The following PDE4D variants were observed in gnomAD, a reference collection of about 807,000 sequenced individuals.
The protein encoded by PDE4D is phosphodiesterase 4D, also known as 3',5'-cyclic-AMP phosphodiesterase 4D.
A neutral mutation model predicts 87.4 loss-of-function variants in PDE4D; 24 were observed. That is an observed-to-expected ratio of 0.27 (90% CI 0.20 to 0.39). The LOEUF is 0.39. Among genes scored for constraint, PDE4D ranks in the 10% least tolerant of loss-of-function variants. The probability of loss-of-function intolerance (pLI) is 1.00; values close to 1 mark genes in which losing one functional copy is unlikely to be tolerated. For missense variants in PDE4D, 714 were observed against 1,041.0 expected (o/e 0.69, Z 4.32); for synonymous variants, 384 against 383.2 (o/e 1.00, Z -0.02).
chr5:59,726,752 A>C (rs1190240054), intron 1 of PDE4D, among the ~76,000 whole-genome samples: 1 of 152,172 alleles, frequency 6.6e-6, no homozygotes, highest in African/African-American at 2.4e-5. Flanking sequence ...TCTGTATGAG[A>C]AACAATATAA....
intron 1 of PDE4D, among the ~76,000 whole-genome samples, chr5:59,369,813 T>C (rs1350577516): frequency 2.0e-5 from 3 of 152,116 alleles, no homozygotes; most frequent in African/African-American, 7.2e-5. Context: ...AACTCTATAG[T>C]GGGTGGAGGG....
chr5:60,221,701 A>G (rs1411837227), intron 1 of PDE4D, among the ~76,000 whole-genome samples: 1 of 152,164 alleles, frequency 6.6e-6, no homozygotes, highest in African/African-American at 2.4e-5. Context: ...CAAGTCGAAT[A>G]ATATGGTATA....
At chr5:58,979,186 G>A (rs1188842606) in intron 11 of PDE4D, among the ~76,000 whole-genome samples, 3 of 152,204 alleles carry the variant, frequency 2.0e-5, no homozygotes, top group Non-Finnish European at 1.5e-5. Flanking sequence ...GTGCAACAAA[G>A]AGTCTGAGTT....
chr5:59,293,629 T>G (rs759940226), intron 1 of PDE4D, among the ~76,000 whole-genome samples: 3 of 152,168 alleles, frequency 2.0e-5, no homozygotes, highest in Non-Finnish European at 4.4e-5. Flanking sequence ...GCACAGGATA[T>G]TCAAACAGAG....
chr5:59,724,859 C>A (rs1248476538), intron 1 of PDE4D, among the ~76,000 whole-genome samples: 1 of 152,086 alleles, frequency 6.6e-6, no homozygotes, highest in Non-Finnish European at 1.5e-5. Flanking sequence ...AAGCCCAATA[C>A]AAATATATAA....
intron 2 of PDE4D, among the ~76,000 whole-genome samples, chr5:60,045,082 T>C (rs1374373796): frequency 2.0e-5 from 3 of 152,226 alleles, no homozygotes; most frequent in Non-Finnish European, 2.9e-5. Context: ...TGGTATCTCA[T>C]TGTGGTTTTG....
Position 59,863,907 on chromosome 5 carries a change from A to G in PDE4D, c.455+29261T>C, listed in dbSNP as rs1041254065. Reference sequence around the variant, plus strand: ...CATTGATGAAATCCAAAAGAACTTCAAGGATGAAAGGGACGATGCAGCTTC... The same window carrying G: ...CATTGATGAAATCCAAAAGAACTTCGAGGATGAAAGGGACGATGCAGCTTC... On this transcript the variant is annotated intron_variant, in intron 1 of 14. Transcript: ENST00000340635. Among the ~76,000 whole-genome samples the G allele has an allele frequency of 3.6e-4, 55 of 152,124 alleles. 1 individual carries two copies. The highest frequency in any genetic ancestry group is 3.5e-3 in the Admixed American group (54 of 15,256).
intron 1 of PDE4D, chr5:59,276,044 C>T: frequency 2.0e-6 from 2 of 983,638 alleles, no homozygotes; most frequent in South Asian, 9.4e-5. Flanking sequence ...TTCAATCTCA[C>T]CAGGCAGAAA....
chr5:59,529,235 C>G (rs1036691540), intron 1 of PDE4D: 1 of 478,912 alleles, frequency 2.1e-6, no homozygotes, highest in Non-Finnish European at 4.2e-6. Flanking sequence ...TTGGATGGAA[C>G]ATTTAACATC....
intron 2 of PDE4D, among the ~76,000 whole-genome samples, chr5:60,085,664 T>A (rs1344172144): frequency 6.6e-6 from 1 of 152,082 alleles, no homozygotes; most frequent in East Asian, 1.9e-4. Flanking sequence ...ACGAGGTGAG[T>A]CTCTGAGGCA....
intron 6 of PDE4D, among the ~76,000 whole-genome samples, chr5:59,034,791 C>G (rs997801739): frequency 6.6e-6 from 1 of 152,204 alleles, no homozygotes; most frequent in Non-Finnish European, 1.5e-5. Flanking sequence ...TAGAAAGGGT[C>G]TGGATTCTAA....
intron 2 of PDE4D, among the ~76,000 whole-genome samples, chr5:60,171,185 C>T (rs1409681385): frequency 6.6e-6 from 1 of 151,962 alleles, no homozygotes; most frequent in East Asian, 1.9e-4. Flanking sequence ...ATACACAAAT[C>T]GAACTTTGTG....
intron 2 of PDE4D, among the ~76,000 whole-genome samples, chr5:60,109,911 A>G (rs1777494360): frequency 6.6e-6 from 1 of 152,064 alleles, no homozygotes; most frequent in Admixed American, 6.5e-5. Flanking sequence ...ACCTAATGCT[A>G]AATGATGAGT....
intron 1 of PDE4D, among the ~76,000 whole-genome samples, chr5:60,247,474 T>C (rs537542630): frequency 2.9e-4 from 44 of 152,064 alleles, no homozygotes; most frequent in Non-Finnish European, 5.7e-4. Flanking sequence ...TTACCAATTA[T>C]GAAACTTTTT....
chr5:59,050,645 C>G (rs1761412082), intron 5 of PDE4D, among the ~76,000 whole-genome samples: 2 of 152,202 alleles, frequency 1.3e-5, no homozygotes, highest in Non-Finnish European at 2.9e-5. Flanking sequence ...GAAGAATCCA[C>G]AACCTATAAG....
intron 1 of PDE4D, among the ~76,000 whole-genome samples, chr5:59,326,049 T>C (rs1775582452): frequency 1.3e-5 from 2 of 151,946 alleles, no homozygotes; most frequent in African/African-American, 4.8e-5. Context: ...TTCTCACTCA[T>C]AGGTGGGAAT....
chr5:59,565,924 GA>G (rs774968258), intron 1 of PDE4D, among the ~76,000 whole-genome samples: 12 of 152,234 alleles, frequency 7.9e-5, no homozygotes, highest in Non-Finnish European at 1.8e-4. Flanking sequence ...GAGGAGAGGG[GA>G]AGCAAAACTT....
chr5:60,320,023 A>G (rs898383346), intron 1 of PDE4D, among the ~76,000 whole-genome samples: 1 of 152,202 alleles, frequency 6.6e-6, no homozygotes, highest in African/African-American at 2.4e-5. Flanking sequence ...AGACAGGGAC[A>G]TTTAAGTCTG....
chr5:59,009,482 A>G (rs1018285116), intron 6 of PDE4D, among the ~76,000 whole-genome samples: 7 of 152,154 alleles, frequency 4.6e-5, no homozygotes, highest in Non-Finnish European at 7.4e-5. Context: ...TCAAAACTCA[A>G]AAGTATTGTA....
Sources: gnomAD v4.1 joint callset for allele counts (sites outside exome capture counted in the v4.1 genomes callset) on GRCh38, gnomAD v4.1.1 for gene constraint, MANE v1.5 for transcripts, NCBI Gene and HGNC (gene_info 2026-07-23, HGNC 2026-07-21) for gene names.